The following POLA1 variants were observed in gnomAD, a reference collection of about 807,000 sequenced individuals.
POLA1 encodes the protein DNA polymerase alpha 1, catalytic subunit, also known as DNA polymerase alpha catalytic subunit.
A neutral mutation model predicts 124.0 loss-of-function variants in POLA1; 15 were observed. That is an observed-to-expected ratio of 0.12 (90% CI 0.08 to 0.19). POLA1 has a LOEUF of 0.19. Among genes scored for constraint, POLA1 ranks in the 10% least tolerant of loss-of-function variants. The pLI is 1.00. For synonymous variants in POLA1, 408 were observed against 389.4 expected, an observed-to-expected ratio of 1.05 and a Z score of -0.56; for missense variants, 886 against 1,103.4, an observed-to-expected ratio of 0.80 and a Z score of 2.79.
At chrX:24,749,761 G>A (rs1203715176) in intron 26 of POLA1, among the ~76,000 whole-genome samples, 2 of 112,232 alleles carry the variant, frequency 1.8e-5, no homozygotes, top group East Asian at 5.6e-4. Context: ...CAGGAGTTAT[G>A]GATTGAGAGT....
At chrX:24,713,165 A>G (rs958329822) in intron 4 of POLA1, among the ~76,000 whole-genome samples, 1 of 110,143 alleles carries the variant, frequency 9.1e-6, no homozygotes, top group African/African-American at 3.3e-5. Flanking sequence ...GGGTTTCAGC[A>G]TGTTGGTCAG....
chrX:24,744,844 G>A (rs1365800589), intron 23 of POLA1, among the ~76,000 whole-genome samples: 1 of 107,650 alleles, frequency 9.3e-6, no homozygotes, highest in Admixed American at 1.0e-4. Context: ...CCAGCTATTC[G>A]GGAGGCTGAG....
intron 36 of POLA1, among the ~76,000 whole-genome samples, chrX:24,969,515 A>AT (rs1300460689): frequency 1.2e-3 from 126 of 104,550 alleles, no homozygotes; most frequent in Middle Eastern, 4.9e-3. Flanking sequence ...CTTAACATTA[A>AT]TTTTTTTTTT....
chrX:24,766,081 G>A (rs1932898572), intron 26 of POLA1, among the ~76,000 whole-genome samples: 1 of 112,159 alleles, frequency 8.9e-6, no homozygotes, highest in African/African-American at 3.2e-5. Context: ...ATTCTACAGT[G>A]TATTTTTCCC....
intron 34 of POLA1, among the ~76,000 whole-genome samples, chrX:24,853,993 G>C (rs746055268): frequency 8.9e-6 from 1 of 112,111 alleles, no homozygotes; most frequent in Non-Finnish European, 1.9e-5. Flanking sequence ...GTTAGATCCT[G>C]AGCATGTGAT....
At chrX:24,881,282 G>A (rs2046998250) in intron 34 of POLA1, among the ~76,000 whole-genome samples, 1 of 111,827 alleles carries the variant, frequency 8.9e-6, no homozygotes, top group Non-Finnish European at 1.9e-5. Flanking sequence ...TTAAAATGGT[G>A]CATTTTTAAT....
intron 26 of POLA1, among the ~76,000 whole-genome samples, chrX:24,772,094 A>G (rs2045050071): frequency 8.9e-6 from 1 of 111,804 alleles, no homozygotes; most frequent in Non-Finnish European, 1.9e-5. Context: ...GTAATTAGTA[A>G]TTTATAAACT....
At chrX:24,854,351 C>CG (rs1290666313) in intron 34 of POLA1, among the ~76,000 whole-genome samples, 1 of 111,503 alleles carries the variant, frequency 9.0e-6, no homozygotes, top group Non-Finnish European at 1.9e-5. Flanking sequence ...CGCCCGGCCA[C>CG]GGGGGGCCAC....
intron 34 of POLA1, among the ~76,000 whole-genome samples, chrX:24,866,051 A>G (rs2046790900): frequency 9.0e-6 from 1 of 111,649 alleles, no homozygotes; most frequent in Non-Finnish European, 1.9e-5. Flanking sequence ...TATTTTGTAA[A>G]CAGTTACTAA....
At chrX:24,932,693 A>G (rs2047799940) in intron 36 of POLA1, among the ~76,000 whole-genome samples, 1 of 111,860 alleles carries the variant, frequency 8.9e-6, no homozygotes, top group Admixed American at 9.5e-5. Context: ...GAGAAGAGAA[A>G]AAAATATATG....
chrX:24,703,379 T>G, intron 3 of POLA1, 32 bp downstream of exon 3: 1 of 976,287 alleles, frequency 1.0e-6, no homozygotes, highest in Non-Finnish European at 1.5e-6. Flanking sequence ...GCGGGGATGT[T>G]GCTTCCTAGG....
chrX:24,702,073 T>A (rs1295568505), intron 2 of POLA1, among the ~76,000 whole-genome samples: 1 of 104,604 alleles, frequency 9.6e-6, no homozygotes, highest in Non-Finnish European at 2.0e-5. Flanking sequence ...GTACTTTTTT[T>A]TTTTTTGAGA....
chrX:24,828,544 C>G (rs2046210563), intron 32 of POLA1, among the ~76,000 whole-genome samples: 2 of 111,985 alleles, frequency 1.8e-5, no homozygotes, highest in African/African-American at 3.2e-5. Context: ...CTCTATTTCT[C>G]ACTGTACTCC....
chrX:24,933,255 G>C (rs1252995298), intron 36 of POLA1, among the ~76,000 whole-genome samples: 4 of 111,849 alleles, frequency 3.6e-5, no homozygotes, highest in Non-Finnish European at 7.5e-5. Context: ...TCTTATAGTA[G>C]AGAGGAGAAC....
At chrX:24,925,889 C>G (rs1325556530) in intron 35 of POLA1, among the ~76,000 whole-genome samples, 1 of 110,815 alleles carries the variant, frequency 9.0e-6, no homozygotes, top group Non-Finnish European at 1.9e-5. Flanking sequence ...AGCTGGGACT[C>G]ACAACAATGA....
chrX:24,993,242 A>G (rs904175599), intron 36 of POLA1, among the ~76,000 whole-genome samples: 1 of 112,583 alleles, frequency 8.9e-6, no homozygotes, highest in African/African-American at 3.2e-5. Context: ...GTGTGTAGGA[A>G]GAGCATTTCC....
At chrX:24,807,574 T>C (rs1314100298) in intron 26 of POLA1, among the ~76,000 whole-genome samples, 1 of 112,200 alleles carries the variant, frequency 8.9e-6, no homozygotes, top group African/African-American at 3.2e-5. Flanking sequence ...GTAATTGGGA[T>C]TACTACAGGA....
At chrX:24,896,494 C>T (rs992178804) in intron 35 of POLA1, among the ~76,000 whole-genome samples, 1 of 110,450 alleles carries the variant, frequency 9.1e-6, no homozygotes. Context: ...TGTTTTTTTG[C>T]GATTTTGCTG....
intron 34 of POLA1, among the ~76,000 whole-genome samples, chrX:24,859,354 G>C (rs2046687604): frequency 9.0e-6 from 1 of 111,312 alleles, no homozygotes; most frequent in African/African-American, 3.3e-5. Flanking sequence ...CAGACCATCT[G>C]CCTGCCGCAC....
Sources: allele counts gnomAD v4.1 joint callset (sites outside exome capture counted in the v4.1 genomes callset), GRCh38; gene constraint gnomAD v4.1.1; transcripts MANE v1.5; gene names NCBI Gene and HGNC (gene_info 2026-07-23, HGNC 2026-07-21).